Variants in IMPG2 observed in about 807,000 individuals in gnomAD.
IMPG2 encodes IPM 200.
Under a neutral mutation model 129.2 loss-of-function variants are expected in IMPG2, and 91 were observed. That is an observed-to-expected ratio of 0.70 (90% CI 0.59 to 0.84). The LOEUF (loss-of-function observed/expected upper bound fraction) is 0.84, where lower values mean the gene tolerates loss of function less well. Ranked by LOEUF, IMPG2 falls within the 40% of genes least tolerant of loss-of-function variation. The probability of loss-of-function intolerance (pLI) is 0.00; values close to 1 mark genes in which losing one functional copy is unlikely to be tolerated. For missense variants in IMPG2, 1,430 were observed against 1,461.7 expected (o/e 0.98, Z 0.35); for synonymous variants, 510 against 517.7 (o/e 0.99, Z 0.20).
intron 3 of IMPG2, among the ~76,000 whole-genome samples, chr3:101,293,909 A>G (rs573997290): frequency 6.6e-6 from 1 of 152,308 alleles, no homozygotes; most frequent in Non-Finnish European, 1.5e-5. Flanking sequence ...TAGAATTGAA[A>G]AGAGTGAAGC....
chr3:101,275,312 A>G (rs973195021), intron 6 of IMPG2, among the ~76,000 whole-genome samples: 2 of 152,146 alleles, frequency 1.3e-5, no homozygotes, highest in African/African-American at 4.8e-5. Context: ...GTATATTATT[A>G]CCCACTAAAG....
intron 11 of IMPG2, among the ~76,000 whole-genome samples, chr3:101,246,404 A>G (rs1364694855): frequency 6.6e-6 from 1 of 152,214 alleles, no homozygotes; most frequent in African/African-American, 2.4e-5. Flanking sequence ...TTTGCTTTAG[A>G]TGGTTCATTT....
At chr3:101,319,970 A>C in intron 1 of IMPG2, 138 bp from the exon 2 acceptor site, 1 of 841,760 alleles carries the variant, frequency 1.2e-6, no homozygotes, top group Non-Finnish European at 1.9e-6. Flanking sequence ...TGCATATCTA[A>C]GGAAAAGAGG....
intron 2 of IMPG2, among the ~76,000 whole-genome samples, chr3:101,307,794 CA>C (rs1457330385): frequency 6.6e-6 from 1 of 152,198 alleles, no homozygotes; most frequent in Admixed American, 6.5e-5. Flanking sequence ...GCCTTTCCAA[CA>C]GTCTCCCAAA....
At chr3:101,243,352 G>A (rs1473200563) in intron 13 of IMPG2, among the ~76,000 whole-genome samples, 177 bp downstream of exon 13, 3 of 152,110 alleles carry the variant, frequency 2.0e-5, no homozygotes, top group African/African-American at 7.2e-5. Flanking sequence ...TCCATTTCTT[G>A]TATGTCTTAC....
In IMPG2 at chr3:101,319,840, G is replaced by A; in HGVS notation, c.86-8C>T. 2 of 1,609,800 alleles carry A rather than the reference G, an allele frequency of 1.2e-6. No individual in the cohort carries two copies. The highest frequency in any genetic ancestry group is 1.7e-6 in the Non-Finnish European group (2 of 1,179,134). On this transcript the variant is annotated splice_polypyrimidine_tract_variant and splice_region_variant and intron_variant, in intron 1 of 18. Transcript: ENST00000193391. ...TAGATAAGTAGGTTTGTGCTACAGA[G>A]TGAAAGTATAGTCAAGTCTTCGATA...
chr3:101,304,564 T>C (rs1231493150), intron 2 of IMPG2, among the ~76,000 whole-genome samples: 1 of 152,162 alleles, frequency 6.6e-6, no homozygotes, highest in Non-Finnish European at 1.5e-5. Flanking sequence ...AGCTGGAGTG[T>C]CTCTCCCATC....
At chr3:101,304,895 C>T (rs561151746) in intron 2 of IMPG2, among the ~76,000 whole-genome samples, 170 of 150,918 alleles carry the variant, frequency 1.1e-3, no homozygotes, top group African/African-American at 4.0e-3. Flanking sequence ...TTCCTCAAAG[C>T]TTACAGGAAG....
chr3:101,243,387 T>C (rs1332432203), intron 13 of IMPG2, 142 bp downstream of exon 13: 3 of 762,918 alleles, frequency 3.9e-6, no homozygotes, highest in Non-Finnish European at 6.7e-6. Context: ...CCCTAGGCCA[T>C]GATACTATTT....
Position 101,226,958 on chromosome 3 carries a change from A to G in IMPG2, c.*11T>C, listed in dbSNP as rs748442117. On this transcript the variant is annotated 3_prime_UTR_variant, in exon 19 of 19. Coordinates refer to ENST00000193391, the MANE Select transcript of IMPG2 (RefSeq NM_016247.4). ...CCAGGCTTCTAATCAGTTTCAGAACAGGAGTTTTGGTTAAACCTCTTCCCT... is the reference window on the plus strand; with the variant it reads ...CCAGGCTTCTAATCAGTTTCAGAACGGGAGTTTTGGTTAAACCTCTTCCCT... 25 of 1,613,302 alleles carry G rather than the reference A, an allele frequency of 1.5e-5. No individual in the cohort carries two copies. The highest frequency in any genetic ancestry group is 2.0e-5 in the Non-Finnish European group (24 of 1,179,468).
chr3:101,248,415 A>AT (rs1382714401), intron 11 of IMPG2, among the ~76,000 whole-genome samples: 1 of 152,186 alleles, frequency 6.6e-6, no homozygotes, highest in Non-Finnish European at 1.5e-5. Context: ...TCTTTTGTAA[A>AT]TTGCCCAGTC....
chr3:101,238,778 A>C (rs1041573503), intron 14 of IMPG2, among the ~76,000 whole-genome samples: 9 of 152,238 alleles, frequency 5.9e-5, no homozygotes, highest in African/African-American at 2.2e-4. Flanking sequence ...CCAAATTATA[A>C]AGAACATTGA....
At chr3:101,252,011 T>A (rs72930580) in intron 11 of IMPG2, among the ~76,000 whole-genome samples, 3,433 of 152,250 alleles carry the variant, frequency 0.023, 122 homozygotes, top group African/African-American at 0.079. Flanking sequence ...TTGTTAATGA[T>A]TGTCCTACAG....
chr3:101,272,050 C>A (rs75402467), intron 7 of IMPG2, among the ~76,000 whole-genome samples: 4,204 of 152,084 alleles, frequency 0.028, 197 homozygotes, highest in African/African-American at 0.096. Context: ...TGTTGTACTT[C>A]GTGTTATCCC....
At chr3:101,287,642 G>A (rs1014030314) in intron 4 of IMPG2, among the ~76,000 whole-genome samples, 1 of 152,042 alleles carries the variant, frequency 6.6e-6, no homozygotes, top group African/African-American at 2.4e-5. Context: ...AATGGGGAAA[G>A]GACTTCCCAT....
chr3:101,242,023 C>A (rs1327326085), intron 14 of IMPG2, among the ~76,000 whole-genome samples: 1 of 150,528 alleles, frequency 6.6e-6, no homozygotes, highest in African/African-American at 2.5e-5. Flanking sequence ...GAGTGAAACA[C>A]CATCTCAAAA....
At chr3:101,238,881 A>C (rs1009065322) in intron 14 of IMPG2, among the ~76,000 whole-genome samples, 3 of 152,226 alleles carry the variant, frequency 2.0e-5, no homozygotes, top group Non-Finnish European at 4.4e-5. Context: ...ATTTACCTTA[A>C]ATGTAAACAG....
intron 14 of IMPG2, among the ~76,000 whole-genome samples, chr3:101,236,217 T>A (rs1340170404): frequency 6.6e-6 from 1 of 152,200 alleles, no homozygotes; most frequent in South Asian, 2.1e-4. Context: ...AAGAGATATT[T>A]AAGTTCCTTA....
chr3:101,301,055 G>A (rs1046307838), intron 3 of IMPG2, among the ~76,000 whole-genome samples: 1 of 152,192 alleles, frequency 6.6e-6, no homozygotes, highest in Non-Finnish European at 1.5e-5. Flanking sequence ...GGAATAGGGA[G>A]GCCTGAGGAG....
Sources: gnomAD v4.1 joint callset for allele counts (sites outside exome capture counted in the v4.1 genomes callset) on GRCh38, gnomAD v4.1.1 for gene constraint, MANE v1.5 for transcripts, NCBI Gene and HGNC (gene_info 2026-07-23, HGNC 2026-07-21) for gene names.